Variants in CKM observed in about 807,000 individuals in gnomAD.
The protein encoded by CKM is creatine kinase M-type.
Under a neutral mutation model 35.4 loss-of-function variants are expected in CKM, and 28 were observed. The observed-to-expected ratio is 0.79, with a 90% CI of 0.59 to 1.08. The LOEUF (loss-of-function observed/expected upper bound fraction) is 1.08. CKM is among the 50% of genes least tolerant of loss of function. The pLI, the probability that CKM is intolerant of heterozygous loss-of-function variation, is 0.00. For missense variants in CKM, 484 were observed against 509.8 expected (o/e 0.95, Z 0.49); for synonymous variants, 215 against 204.4 (o/e 1.05, Z -0.44).
chr19:45,310,991 A>G (rs1444536699), intron 5 of CKM, among the ~76,000 whole-genome samples: 1 of 140,328 alleles, frequency 7.1e-6, no homozygotes, highest in East Asian at 2.1e-4. Context: ...CGTGTTAGCC[A>G]GGATGGTGTC....
chr19:45,308,623 G>C (rs1971078780), intron 5 of CKM, 91 bp from the exon 6 acceptor site: 1 of 1,564,378 alleles, frequency 6.4e-7, no homozygotes. Context: ...CCCACCGATG[G>C]GGGAAGAGGG....
Position 45,308,604 on chromosome 19 carries a change from A to T in CKM, c.654-72T>A, listed in dbSNP as rs1971078313. ...GAACCCCATTCCCAGCCCTCCCCCA[A>T]AACATCTGCCCACCGATGGGGGAAG... On this transcript the variant is annotated intron_variant, in intron 5 of 7. Transcript: ENST00000221476. The T allele has an allele frequency of 1.0e-5, 16 of 1,602,804 alleles. 1 individual carries two copies. The South Asian group carries it at 1.5e-4, about 15-fold the overall frequency.
At chr19:45,311,612 C>A in intron 5 of CKM, 137 bp downstream of exon 5, 1 of 745,218 alleles carries the variant, frequency 1.3e-6, no homozygotes. Context: ...GGGCGGAGGG[C>A]AAGATCATTT....
intron 4 of CKM, 66 bp downstream of exon 4, chr19:45,315,399 C>T: frequency 1.3e-6 from 2 of 1,566,682 alleles, no homozygotes; most frequent in South Asian, 1.1e-5. Flanking sequence ...GACCCGAGGA[C>T]CTGCCCATGG....
At position 45,314,115 on chromosome 19, in the gene CKM, GGGAAGGGAAGGAAGGGAGGGAGGGAA is replaced by G. The variant is rs572240384; in HGVS notation, c.481+1324_481+1349del. On this transcript the variant is annotated intron_variant, in intron 4 of 7. Transcript: ENST00000221476. ...AGGAAGGACGGAGAAGAAAAGGGAA[GGGAAGGGAAGGAAGGGAGGGAGGGAA>G]GGAAGGGAAGGAAGGGAGGAAGAAA... Among the ~76,000 whole-genome samples, 808 of 148,784 alleles carry G rather than the reference GGGAAGGGAAGGAAGGGAGGGAGGGAA, an allele frequency of 5.4e-3. 2 individuals carry two copies. Among genetic ancestry groups the G allele is most frequent in the African/African-American group, 0.019 (758 of 40,348 alleles).
At position 45,307,145 on chromosome 19, in the gene CKM, A is replaced by T. The variant is rs1429120321; in HGVS notation, c.968-217T>A. On this transcript the variant is annotated intron_variant, in intron 7 of 7. Transcript: ENST00000221476. ...AGTTATCAAACATAGTATAGTGGGTAAGAGAGTGGGTTCTGGAGCCAGGCG... is the reference window on the plus strand; with the variant it reads ...AGTTATCAAACATAGTATAGTGGGTTAGAGAGTGGGTTCTGGAGCCAGGCG... Among the ~76,000 whole-genome samples the T allele has an allele frequency of 2.6e-5, 4 of 152,150 alleles. No homozygotes were observed. The South Asian group carries it at 8.3e-4, about 32-fold the overall frequency.
chr19:45,317,485 C>A (rs999235150), intron 3 of CKM, among the ~76,000 whole-genome samples: 1 of 152,062 alleles, frequency 6.6e-6, no homozygotes, highest in African/African-American at 2.4e-5. Context: ...CGGGGTTTCA[C>A]CATGTTGGTC....
rs766476441 is a variant in CKM, at chr19:45,311,806, GAC to G, written c.594_595del (p.Ser199ProfsTer22). 1 of 1,610,794 alleles carries G rather than the reference GAC, an allele frequency of 6.2e-7. No individual in the cohort carries two copies. The highest frequency in any genetic ancestry group is 8.5e-7 in the Non-Finnish European group (1 of 1,178,652). ...CATGCCTGAGGCCAGCAGCAGCGGG[GAC>G]ACGGGCTTGTCGAACAGGAAGTGGT... On this transcript the variant is annotated frameshift_variant, in exon 5 of 8. Transcript: ENST00000221476. LOFTEE classifies it high-confidence loss of function.
chr19:45,311,118 A>G (rs1363869339), intron 5 of CKM, among the ~76,000 whole-genome samples: 1 of 142,178 alleles, frequency 7.0e-6, no homozygotes, highest in Non-Finnish European at 1.5e-5. Flanking sequence ...TGGTCTCCCT[A>G]TGTTGCCCAG....
Position 45,317,925 on chromosome 19 carries a change from T to C in CKM, c.248A>G (p.Glu83Gly), listed in dbSNP as rs11559024. 25,074 of 1,613,606 alleles carry C rather than the reference T, an allele frequency of 0.016. 255 individuals carry two copies. Among genetic ancestry groups the C allele is most frequent in the Non-Finnish European group, 0.019 (21,893 of 1,179,886 alleles). The change falls in exon 3 of 8, where the codon GAA becomes GGA. Residue 83 changes from glutamate to glycine, a missense_variant. Coordinates refer to ENST00000221476, the MANE Select transcript of CKM (RefSeq NM_001824.5). ...GGGGTCAAAGAGTTCCTTGAAAACTTCGTAGGACTCCTCATCACCAGCCAC... is the reference window on the plus strand; with the variant it reads ...GGGGTCAAAGAGTTCCTTGAAAACTCCGTAGGACTCCTCATCACCAGCCAC... Reference protein sequence around the residue: ...GCVAGDEESYEVFKELFDPII... With the variant: ...GCVAGDEESYGVFKELFDPII...
At chr19:45,307,852 C>A (rs530250349) in intron 6 of CKM, among the ~76,000 whole-genome samples, 2 of 144,990 alleles carry the variant, frequency 1.4e-5, no homozygotes, top group East Asian at 4.0e-4. Flanking sequence ...GGACTAAGAA[C>A]GCTTTGAAGG....
intron 2 of CKM, among the ~76,000 whole-genome samples, chr19:45,319,118 A>C (rs1435430578): frequency 6.6e-6 from 1 of 152,106 alleles, no homozygotes; most frequent in East Asian, 1.9e-4. Context: ...GGGCCTCCCA[A>C]AGTGCTGGGA....
At chr19:45,315,676 C>T in intron 3 of CKM, 79 bp from the exon 4 acceptor site, 1 of 1,549,544 alleles carries the variant, frequency 6.5e-7, no homozygotes, top group Non-Finnish European at 8.7e-7. Context: ...CAGATGCTCC[C>T]CTCAGTCTCC....
At chr19:45,319,780 T>TTTC (rs758239964) in intron 1 of CKM, 49 bp from the exon 2 acceptor site, 25 of 1,458,182 alleles carry the variant, frequency 1.7e-5, no homozygotes, top group African/African-American at 5.7e-5. Flanking sequence ...TGGCATCTTT[T>TTTC]TTCTTCTTCT....
intron 4 of CKM, among the ~76,000 whole-genome samples, chr19:45,314,805 G>A (rs140816487): frequency 0.022 from 3,399 of 151,638 alleles, 69 homozygotes; most frequent in Middle Eastern, 0.051. Context: ...TCAACCTCCC[G>A]GGCTCAAGTG....
chr19:45,321,288 T>C (rs1341547469), intron 1 of CKM, among the ~76,000 whole-genome samples: 1 of 151,808 alleles, frequency 6.6e-6, no homozygotes, highest in Non-Finnish European at 1.5e-5. Context: ...GAGCAGGTTC[T>C]TGGATTATCA....
intron 5 of CKM, among the ~76,000 whole-genome samples, chr19:45,310,778 T>A (rs1291806658): frequency 1.5e-5 from 2 of 130,790 alleles, no homozygotes; most frequent in African/African-American, 5.8e-5. Context: ...TTTTTTTTTT[T>A]TTTTTTTTTT....
intron 5 of CKM, 56 bp downstream of exon 5, chr19:45,311,693 G>A: frequency 6.9e-7 from 1 of 1,456,534 alleles, no homozygotes. Flanking sequence ...GAGGGCCGTT[G>A]CAGGACTGGA....
chr19:45,317,859 T>C lies in CKM; in HGVS notation c.314A>G (p.Lys105Arg), dbSNP rs779935915. The C allele has an allele frequency of 1.7e-5, 28 of 1,613,842 alleles. No homozygotes were observed. The South Asian group carries it at 3.1e-4, about 18-fold the overall frequency. The change falls in exon 3 of 8, where the codon AAG becomes AGG. Residue 105 changes from lysine to arginine, a missense_variant. By Grantham distance (26) the Lys-to-Arg change is conservative. Coordinates refer to ENST00000221476, the MANE Select transcript of CKM (RefSeq NM_001824.5). The part of the protein sequence containing the change: ...DRHGGYKPTD[K>R]HKTDLNHENL... Reference sequence around the variant, plus strand: ...TTCATGGTTGAGGTCAGTCTTGTGCTTGTCAGTGGGTTTGTAGCCCCCGTG... The same window carrying C: ...TTCATGGTTGAGGTCAGTCTTGTGCCTGTCAGTGGGTTTGTAGCCCCCGTG...
Sources: gnomAD v4.1 joint callset for allele counts (sites outside exome capture counted in the v4.1 genomes callset) on GRCh38, gnomAD v4.1.1 for gene constraint, MANE v1.5 for transcripts, NCBI Gene and HGNC (gene_info 2026-07-23, HGNC 2026-07-21) for gene names.